HIVEP2: variants seen among roughly 807,000 people sequenced by gnomAD.
HIVEP2 encodes the protein transcription factor HIVEP2.
HIVEP2 carries 14 observed loss-of-function variants against 180.7 expected under a neutral mutation model. The observed-to-expected ratio is 0.08, with a 90% CI of 0.05 to 0.12. The LOEUF (loss-of-function observed/expected upper bound fraction) is 0.12, where lower values mean the gene tolerates loss of function less well. Among genes scored for constraint, HIVEP2 ranks in the 10% least tolerant of loss-of-function variants. HIVEP2 has a pLI of 1.00. For missense variants in HIVEP2, 2,579 were observed against 3,008.5 expected, an observed-to-expected ratio of 0.86 and a Z score of 3.34; for synonymous variants, 1,184 against 1,136.4, an observed-to-expected ratio of 1.04 and a Z score of -0.84.
chr6:142,868,214 G>T (rs1006005477), intron 1 of HIVEP2, among the ~76,000 whole-genome samples: 7 of 152,030 alleles, frequency 4.6e-5, no homozygotes, highest in Non-Finnish European at 8.8e-5. Flanking sequence ...GCAGACTTTG[G>T]GTGCACAACA....
Position 142,761,452 on chromosome 6 carries a change from T to C in HIVEP2, c.5620+12A>G. 3 of 1,385,466 alleles carry C rather than the reference T, an allele frequency of 2.2e-6. No individual in the cohort carries two copies. The highest frequency in any genetic ancestry group is 3.1e-6 in the Non-Finnish European group (3 of 971,202). The allele number at this position is 1,385,466 out of a possible 1,614,324, so 85.8% of individuals were successfully genotyped here. A position where few individuals can be genotyped will look rare whatever the true frequency, so the allele number is the denominator to read the frequency against. ...ATGAAGAGGTCTGTCAACTCATTTA[T>C]GACATACACACCTGCTTCCTCAGTT... On this transcript the variant is annotated intron_variant, in intron 8 of 9. Transcript: ENST00000367603.
rs765987550 is a variant in HIVEP2, at chr6:142,770,322, G to A, written c.4417C>T (p.Leu1473Phe). Residue 1473 changes from leucine (L) to phenylalanine (F), a missense_variant, in exon 5 of 10, where the codon CTT becomes TTT. Transcript: ENST00000367603. This position sits in a 1 kb window ranked among gnomAD's most constrained non-coding sequence, Gnocchi z 4.7. ...GAGTTGGTCAGCTCCACAGCACTAAGCTCCTCCACAATCTGTCCGTACATC... is the reference window on the plus strand; with the variant it reads ...GAGTTGGTCAGCTCCACAGCACTAAACTCCTCCACAATCTGTCCGTACATC... ...EKMYGQIVEE[L>F]SAVELTNSDI... 6.2e-7 allele frequency: 1 copy of A among 1,614,152 alleles called. No homozygotes were observed. Among genetic ancestry groups the A allele is most frequent in the Non-Finnish European group, 8.5e-7 (1 of 1,180,028 alleles).
chr6:142,910,185 T>C (rs375381712), intron 1 of HIVEP2, among the ~76,000 whole-genome samples: 1 of 152,358 alleles, frequency 6.6e-6, no homozygotes, highest in East Asian at 1.9e-4. Context: ...ATTTCATGCA[T>C]TATCCGTTTC....
At chr6:142,865,056 T>C (rs1776102704) in intron 1 of HIVEP2, among the ~76,000 whole-genome samples, 1 of 152,218 alleles carries the variant, frequency 6.6e-6, no homozygotes, top group Non-Finnish European at 1.5e-5. Context: ...CTATTTTACT[T>C]GGCCATGTGA....
chr6:142,799,964 T>C (rs1010467336), intron 2 of HIVEP2, among the ~76,000 whole-genome samples: 4 of 152,256 alleles, frequency 2.6e-5, no homozygotes, highest in Non-Finnish European at 5.9e-5. Context: ...CAAACCAGGG[T>C]CAAATTGCTA....
chr6:142,764,374 G>A (rs571556632), intron 7 of HIVEP2, among the ~76,000 whole-genome samples: 2 of 152,334 alleles, frequency 1.3e-5, no homozygotes, highest in East Asian at 3.9e-4. Flanking sequence ...ACCTGGGAGT[G>A]TGTGGGTCTC....
Position 142,773,279 on chromosome 6 carries a change from G to T in HIVEP2, c.1460C>A (p.Pro487His), listed in dbSNP as rs781287175. ...GGATTTCAGCATGCTCGTTTGACTG[G>T]GGTCGACATCTCCCTTGCTTGGGAT... ...QLIPSKGDVD[P>H]SQTSMLKSTK... Residue 487 changes from proline (P) to histidine (H), a missense_variant, in exon 5 of 10, where the codon CCC (proline) becomes CAC (histidine). Around this residue, in one of 11 missense-constraint regions of HIVEP2, gnomAD observed 524 missense variants for 563.6 expected, o/e 0.93. Coordinates refer to ENST00000367603, the MANE Select transcript of HIVEP2 (RefSeq NM_006734.4). 6 of 1,614,146 alleles carry T rather than the reference G, an allele frequency of 3.7e-6. No individual in the cohort carries two copies. The Admixed American group carries it at 1.0e-4, about 27-fold the overall frequency.
Position 142,770,154 on chromosome 6 carries a change from C to T in HIVEP2, c.4585G>A (p.Val1529Ile), listed in dbSNP as rs771194151. ...AATGGCTCCCTGGAAGACGGGCTAACAGAAGGATAGTCTTGAGATGAGGAG... is the reference window on the plus strand; with the variant it reads ...AATGGCTCCCTGGAAGACGGGCTAATAGAAGGATAGTCTTGAGATGAGGAG... ...SPSSSQDYPSVSPSSREPFLP... is the reference protein window; with the variant it reads ...SPSSSQDYPSISPSSREPFLP... The change falls in exon 5 of 10, where the codon GTT becomes ATT. Residue 1529 changes from valine to isoleucine, a missense_variant. By Grantham distance (29) the Val-to-Ile change is conservative. Coordinates refer to ENST00000367603, the MANE Select transcript of HIVEP2 (RefSeq NM_006734.4). This position sits in a 1 kb window ranked among gnomAD's most constrained non-coding sequence, Gnocchi z 4.7. The T allele has an allele frequency of 2.2e-5, 35 of 1,614,084 alleles. No homozygotes were observed. Among genetic ancestry groups the T allele is most frequent in the African/African-American group, 1.3e-5 (1 of 74,914 alleles).
At chr6:142,810,677 G>T (rs561282971) in intron 2 of HIVEP2, among the ~76,000 whole-genome samples, 17 of 149,144 alleles carry the variant, frequency 1.1e-4, no homozygotes, top group African/African-American at 3.2e-4. Context: ...CAGGAGAATT[G>T]CTTGAACCCG....
Position 142,753,118 on chromosome 6 carries a change from G to C in HIVEP2, c.7330C>G (p.Gln2444Glu). The change falls in exon 10 of 10, where the codon CAG becomes GAG. Residue 2444 changes from glutamine (Q) to glutamate (E), a missense_variant. Gln to Glu is a conservative substitution (Grantham distance 29). Transcript: ENST00000367603. ...ESKDPSSEKS[Q>E]LH ...CCATGCATCATAGATCAATGTAGCT[G>C]ACTCTTTTCTGATGAAGGATCTTTG... 1.3e-6 allele frequency: 2 copies of C among 1,589,768 alleles called. No homozygotes were observed. Among genetic ancestry groups the C allele is most frequent in the Non-Finnish European group, 1.7e-6 (2 of 1,157,768 alleles).
At chr6:142,819,934 C>T (rs778095839) in intron 2 of HIVEP2, among the ~76,000 whole-genome samples, 18 of 152,122 alleles carry the variant, frequency 1.2e-4, no homozygotes, top group Middle Eastern at 3.2e-3. Flanking sequence ...GGAAGGATTT[C>T]GGCGTGTTGT....
chr6:142,758,179 C>T (rs1021754544), intron 9 of HIVEP2, among the ~76,000 whole-genome samples: 1 of 152,198 alleles, frequency 6.6e-6, no homozygotes, highest in African/African-American at 2.4e-5. Flanking sequence ...TGCTAAGGCA[C>T]CAAAACCTGT....
In HIVEP2 at chr6:142,904,649, A is replaced by T. The variant is rs116420991; in HGVS notation, c.-641+40450T>A. Among the ~76,000 whole-genome samples the T allele has an allele frequency of 3.1e-3, 468 of 152,322 alleles. 2 individuals are homozygous for T. The highest frequency in any genetic ancestry group is 0.011 in the African/African-American group (453 of 41,560). ...AAAATAAGGCAACCCAATGAAACTGATGACATGATCAAAAAAAGATAAACA... is the reference window on the plus strand; with the variant it reads ...AAAATAAGGCAACCCAATGAAACTGTTGACATGATCAAAAAAAGATAAACA... On this transcript the variant is annotated intron_variant, in intron 1 of 9. Coordinates refer to ENST00000367603, the MANE Select transcript of HIVEP2 (RefSeq NM_006734.4).
At position 142,772,590 on chromosome 6, in the gene HIVEP2, C is replaced by T; in HGVS notation, c.2149G>A (p.Val717Ile). The T allele has an allele frequency of 6.2e-7, 1 of 1,614,230 alleles. No individual in the cohort carries two copies. Among genetic ancestry groups the T allele is most frequent in the Non-Finnish European group, 8.5e-7 (1 of 1,180,034 alleles). The change falls in exon 5 of 10, where the codon GTA becomes ATA. Residue 717 changes from valine to isoleucine, a missense_variant. Around this residue, in one of 11 missense-constraint regions of HIVEP2, gnomAD observed 524 missense variants for 563.6 expected, o/e 0.93. Transcript: ENST00000367603. This position sits in a 1 kb window ranked among gnomAD's most constrained non-coding sequence, Gnocchi z 4.9. Reference sequence around the variant, plus strand: ...GCCATGATGCCCACAGGAGTGCTTACAATGCTGCTGCAGATCATGGGCGTG... The same window carrying T: ...GCCATGATGCCCACAGGAGTGCTTATAATGCTGCTGCAGATCATGGGCGTG... ...EDTPMICSSI[V>I]STPVGIMASD...
At chr6:142,802,757 A>T (rs920224564) in intron 2 of HIVEP2, among the ~76,000 whole-genome samples, 1 of 152,168 alleles carries the variant, frequency 6.6e-6, no homozygotes, top group African/African-American at 2.4e-5. Context: ...AATCATGAAC[A>T]GATAGAATTT....
intron 1 of HIVEP2, among the ~76,000 whole-genome samples, chr6:142,931,251 C>A (rs1051739495): frequency 1.3e-5 from 2 of 151,578 alleles, no homozygotes; most frequent in African/African-American, 2.4e-5. Context: ...TTATTGTATG[C>A]GTTTAAACTA....
chr6:142,824,869 T>C (rs1380944554), intron 2 of HIVEP2, among the ~76,000 whole-genome samples: 2 of 151,776 alleles, frequency 1.3e-5, no homozygotes, highest in Non-Finnish European at 2.9e-5. Flanking sequence ...ATAAAGTCCA[T>C]ACATTTATAG....
intron 7 of HIVEP2, among the ~76,000 whole-genome samples, chr6:142,761,792 C>T (rs1403687834): frequency 1.3e-5 from 2 of 152,160 alleles, no homozygotes; most frequent in African/African-American, 4.8e-5. Flanking sequence ...ATTCTTTATT[C>T]TAGAAGATAT....
chr6:142,821,873 G>A (rs950315485), intron 2 of HIVEP2, among the ~76,000 whole-genome samples: 1 of 152,202 alleles, frequency 6.6e-6, no homozygotes, highest in African/African-American at 2.4e-5. Context: ...CATAGAGGCA[G>A]GCATGGCTGG....
Sources: gnomAD v4.1 joint callset for allele counts (sites outside exome capture counted in the v4.1 genomes callset) on GRCh38, gnomAD v4.1.1 for gene constraint, gnomAD v4.1.1 regional missense constraint, Gnocchi (gnomAD v3.1) non-coding constraint, MANE v1.5 for transcripts, NCBI Gene and HGNC (gene_info 2026-07-23, HGNC 2026-07-21) for gene names.